C3orf52: variants seen among roughly 807,000 people sequenced by gnomAD.
C3orf52 encodes the protein TPA-induced transmembrane protein.
C3orf52 carries 22 observed loss-of-function variants against 24.8 expected under a neutral mutation model. The observed-to-expected ratio is 0.89, with a 90% CI of 0.63 to 1.27. C3orf52 has a LOEUF of 1.27. Ranked by LOEUF, C3orf52 falls within the 50% of genes most tolerant of loss-of-function variation. The probability of loss-of-function intolerance (pLI) is 0.00; values close to 1 mark genes in which losing one functional copy is unlikely to be tolerated. For missense variants in C3orf52, 265 were observed against 260.7 expected (o/e 1.02, Z -0.11); for synonymous variants, 93 against 100.2 (o/e 0.93, Z 0.43).
At chr3:112,094,244 C>T (rs1429402111) in intron 2 of C3orf52, among the ~76,000 whole-genome samples, 2 of 152,204 alleles carry the variant, frequency 1.3e-5, no homozygotes. Flanking sequence ...ATCTGCCTGC[C>T]TTGGCCTCCC....
intron 1 of C3orf52, among the ~76,000 whole-genome samples, chr3:112,091,197 G>T (rs936468811): frequency 6.6e-6 from 1 of 152,150 alleles, no homozygotes; most frequent in African/African-American, 2.4e-5. Context: ...AAAATTTCTG[G>T]GAGGCCTCTA....
chr3:112,130,366 G>T, downstream of C3orf52: 1 of 1,098,112 alleles, frequency 9.1e-7, no homozygotes, highest in Non-Finnish European at 1.4e-6. Context: ...TCTCTCACTG[G>T]GATGTGAAGT....
At chr3:112,105,539 C>CGTGTGTGTGT (rs3082397) in intron 3 of C3orf52, among the ~76,000 whole-genome samples, 15 of 148,132 alleles carry the variant, frequency 1.0e-4, no homozygotes, top group African/African-American at 2.7e-4. Flanking sequence ...CTTCTTTGGC[C>CGTGTGTGTGT]GTGTGTGTGT....
At chr3:112,110,977 G>GA (rs2074075196) in intron 4 of C3orf52, among the ~76,000 whole-genome samples, 1 of 152,224 alleles carries the variant, frequency 6.6e-6, no homozygotes, top group African/African-American at 2.4e-5. Flanking sequence ...TTGGGAGGCT[G>GA]AGGTAGGCAG....
chr3:112,095,144 A>C (rs773487122), intron 2 of C3orf52, among the ~76,000 whole-genome samples: 1 of 152,202 alleles, frequency 6.6e-6, no homozygotes, highest in Non-Finnish European at 1.5e-5. Context: ...TACTTAGGGC[A>C]TTGTTCAGGT....
chr3:112,110,277 C>T (rs1358973741), intron 4 of C3orf52, among the ~76,000 whole-genome samples: 4 of 151,632 alleles, frequency 2.6e-5, no homozygotes, highest in Non-Finnish European at 2.9e-5. Flanking sequence ...TGCAGTGAGC[C>T]GAGATTGCGC....
chr3:112,119,082 G>A (rs538397072), downstream of C3orf52, among the ~76,000 whole-genome samples: 2 of 152,236 alleles, frequency 1.3e-5, no homozygotes, highest in Admixed American at 1.3e-4. Context: ...AAAATACCCA[G>A]GGGTCAAAAA....
chr3:112,105,348 C>G (rs1247555812), intron 3 of C3orf52, among the ~76,000 whole-genome samples: 4 of 152,116 alleles, frequency 2.6e-5, no homozygotes, highest in African/African-American at 9.7e-5. Flanking sequence ...ATTCGTCAAC[C>G]AAATATGCTC....
At chr3:112,102,732 G>A in intron 2 of C3orf52, 106 bp from the exon 3 acceptor site, 1 of 1,063,094 alleles carries the variant, frequency 9.4e-7, no homozygotes, top group Non-Finnish European at 1.3e-6. Context: ...TACCCTTGAT[G>A]CTCATAGTTA....
At chr3:112,107,381 G>T (rs1432528193) in intron 3 of C3orf52, among the ~76,000 whole-genome samples, 1 of 152,146 alleles carries the variant, frequency 6.6e-6, no homozygotes, top group Non-Finnish European at 1.5e-5. Flanking sequence ...CAGCATCCCC[G>T]TGAAAGCTGC....
intron 2 of C3orf52, among the ~76,000 whole-genome samples, chr3:112,095,674 TG>T (rs1208085319): frequency 6.6e-6 from 1 of 152,230 alleles, no homozygotes; most frequent in Non-Finnish European, 1.5e-5. Context: ...ATGTCAATGC[TG>T]TAAGAGAGAT....
Position 112,116,828 on chromosome 3 carries a change from C to T in C3orf52, c.*182C>T, listed in dbSNP as rs1431583725. ...TCTGGCTCTAAGCCCAGTAAAACAGCTCCCGAGCACTGCTTCAGCTGGGTC... is the reference window on the plus strand; with the variant it reads ...TCTGGCTCTAAGCCCAGTAAAACAGTTCCCGAGCACTGCTTCAGCTGGGTC... On this transcript the variant is annotated 3_prime_UTR_variant, in exon 6 of 6. Coordinates refer to ENST00000264848, the MANE Select transcript of C3orf52 (RefSeq NM_024616.3). 1 of 1,538,014 alleles carries T rather than the reference C, an allele frequency of 6.5e-7. No individual in the cohort carries two copies.
chr3:112,097,233 A>G (rs553388759), intron 2 of C3orf52, among the ~76,000 whole-genome samples: 3 of 152,298 alleles, frequency 2.0e-5, no homozygotes, highest in African/African-American at 7.2e-5. Flanking sequence ...AATTCACCCT[A>G]GTCATGGAGA....
At chr3:112,094,137 G>A (rs543259548) in intron 2 of C3orf52, among the ~76,000 whole-genome samples, 2 of 152,222 alleles carry the variant, frequency 1.3e-5, no homozygotes, top group South Asian at 2.1e-4. Context: ...TGGAATTATA[G>A]GCATGTGCCA....
intron 1 of C3orf52, among the ~76,000 whole-genome samples, 168 bp from the exon 2 acceptor site, chr3:112,093,192 G>A (rs1487452735): frequency 3.9e-5 from 6 of 152,156 alleles, no homozygotes; most frequent in Admixed American, 3.9e-4. Context: ...TCTTGATGAG[G>A]TTCTGTTCTG....
chr3:112,094,918 G>C (rs1407147034), intron 2 of C3orf52, among the ~76,000 whole-genome samples: 2 of 152,210 alleles, frequency 1.3e-5, no homozygotes, highest in Non-Finnish European at 2.9e-5. Context: ...CATAGAATGA[G>C]AAGAAGAAGG....
downstream of C3orf52, chr3:112,132,849 C>G: frequency 2.1e-6 from 1 of 477,636 alleles, no homozygotes; most frequent in Admixed American, 4.1e-5. Flanking sequence ...TTGGTAAAGT[C>G]TTTCCACCTT....
intron 2 of C3orf52, among the ~76,000 whole-genome samples, chr3:112,102,139 C>T (rs538997062): frequency 2.0e-5 from 3 of 152,188 alleles, no homozygotes; most frequent in African/African-American, 7.2e-5. Context: ...CATGCTCATC[C>T]TCTGTCTTCC....
At chr3:112,134,480 G>T (rs2074527837), downstream of C3orf52, 1 of 152,224 alleles carries the variant, frequency 6.6e-6, no homozygotes, top group Admixed American at 6.5e-5. Flanking sequence ...CTCCCACAGA[G>T]AGTTTGAGCA....
Sources: allele counts gnomAD v4.1 joint callset (sites outside exome capture counted in the v4.1 genomes callset), GRCh38; gene constraint gnomAD v4.1.1; transcripts MANE v1.5; gene names NCBI Gene and HGNC (gene_info 2026-07-23, HGNC 2026-07-21).